SEMA4A: variants seen among roughly 807,000 people sequenced by gnomAD.
SEMA4A encodes the protein semaphorin-4A.
SEMA4A carries 52 observed loss-of-function variants against 72.5 expected under a neutral mutation model. The observed-to-expected ratio is 0.72, with a 90% CI of 0.57 to 0.90. The LOEUF is 0.90. SEMA4A is among the 40% of genes least tolerant of loss of function. The pLI is 0.00. For missense variants in SEMA4A, 926 were observed against 959.7 expected (o/e 0.96, Z 0.46); for synonymous variants, 369 against 393.1 (o/e 0.94, Z 0.73).
In SEMA4A at chr1:156,154,658, C is replaced by G. The variant is rs758898526; in HGVS notation, c.80C>G (p.Pro27Arg). ...TTCCAACTGCTTCAGCTGCTGCTGC[C>G]GACGACGACCGCGGGGGGAGGCGGG... ...FLFQLLQLLL[P>R]TTTAGGGGQG... Residue 27 changes from proline (P) to arginine (R), a missense_variant, in exon 2 of 15, where the codon CCG becomes CGG. Coordinates refer to ENST00000368285, the MANE Select transcript of SEMA4A (RefSeq NM_022367.4). 5 of 1,604,972 alleles carry G rather than the reference C, an allele frequency of 3.1e-6. No individual in the cohort carries two copies. The highest frequency in any genetic ancestry group is 2.2e-5 in the East Asian group (1 of 44,652).
Position 156,161,032 on chromosome 1 carries a change from C to T in SEMA4A, c.810+3C>T. On this transcript the variant is annotated splice_donor_region_variant and intron_variant, in intron 8 of 14. Transcript: ENST00000368285. Reference sequence around the variant, plus strand: ...CGCGGGTGGCTAGAGTCTGCAAGGTCCGCGGCCTGGGCGGGGGGCGGGGCT... The same window carrying T: ...CGCGGGTGGCTAGAGTCTGCAAGGTTCGCGGCCTGGGCGGGGGGCGGGGCT... The T allele has an allele frequency of 6.2e-7, 1 of 1,608,258 alleles. No individual in the cohort carries two copies.
upstream of SEMA4A, among the ~76,000 whole-genome samples, chr1:156,150,861 T>C (rs1652481791): frequency 6.6e-6 from 1 of 152,032 alleles, no homozygotes; most frequent in Non-Finnish European, 1.5e-5. Context: ...GCACTCAGTG[T>C]TGTTGTCATG....
chr1:156,158,008 T>A, intron 3 of SEMA4A, 62 bp from the exon 4 acceptor site: 1 of 1,554,350 alleles, frequency 6.4e-7, no homozygotes, highest in African/African-American at 1.4e-5. Flanking sequence ...GGGAGGCAGG[T>A]CACAGCTAGA....
At chr1:156,165,529 C>A (rs74116501) in intron 10 of SEMA4A, among the ~76,000 whole-genome samples, 1 of 152,102 alleles carries the variant, frequency 6.6e-6, no homozygotes, top group African/African-American at 2.4e-5. Flanking sequence ...AATAGAAATA[C>A]GTTTCCTTCA....
intron 9 of SEMA4A, 24 bp from the exon 10 acceptor site, chr1:156,162,920 A>G: frequency 6.2e-7 from 1 of 1,612,830 alleles, no homozygotes; most frequent in East Asian, 2.2e-5. Flanking sequence ...GACCACAGAC[A>G]ATGTTCCCTC....
At chr1:156,154,421 C>G in intron 1 of SEMA4A, 129 bp from the exon 2 acceptor site, 1 of 806,798 alleles carries the variant, frequency 1.2e-6, no homozygotes, top group Non-Finnish European at 2.0e-6. Context: ...AGGGAACCTT[C>G]TCTGCCCCAA....
chr1:156,150,636 C>T (rs1228891725), upstream of SEMA4A, among the ~76,000 whole-genome samples: 1 of 152,028 alleles, frequency 6.6e-6, no homozygotes, highest in Non-Finnish European at 1.5e-5. Flanking sequence ...GTGCAGCATC[C>T]GTGTTCTGCA....
chr1:156,176,357 A>G (rs761982852), intron 14 of SEMA4A, 48 bp from the exon 15 acceptor site: 1 of 1,393,964 alleles, frequency 7.2e-7, no homozygotes, highest in Non-Finnish European at 1.0e-6. Flanking sequence ...TCCTGTCTCC[A>G]TCCTTCACTT....
intron 6 of SEMA4A, chr1:156,159,099 T>C (rs1653336025): frequency 2.2e-6 from 1 of 453,818 alleles, no homozygotes; most frequent in Non-Finnish European, 4.0e-6. Flanking sequence ...TTTGGGAGGC[T>C]GAGGTGGGTG....
chr1:156,177,312 A>C lies in SEMA4A; in HGVS notation c.*315A>C. 2.2e-6 allele frequency: 1 copy of C among 461,420 alleles called. No homozygotes were observed. The highest frequency in any genetic ancestry group is 4.0e-6 in the Non-Finnish European group (1 of 249,330). 28.6% of individuals were successfully genotyped at this position (461,420 alleles called of 1,614,324 possible). A position where few individuals can be genotyped will look rare whatever the true frequency, so the allele number is the denominator to read the frequency against. ...CTGGCCATTCCAGGGACCCTCCAGA[A>C]ACACAGTGTTTCAAGAGACCCTAAA... On this transcript the variant is annotated 3_prime_UTR_variant, in exon 15 of 15. Transcript: ENST00000368285.
Position 156,176,982 on chromosome 1 carries a change from C to T in SEMA4A, c.2271C>T (p.Gly757=). 3.1e-6 allele frequency: 5 copies of T among 1,610,356 alleles called. No homozygotes were observed. Among genetic ancestry groups the T allele is most frequent in the Non-Finnish European group, 3.4e-6 (4 of 1,179,990 alleles). The change falls in exon 15 of 15, where the codon GGC becomes GGT. Residue 757 remains glycine (G), a synonymous_variant. Coordinates refer to ENST00000368285, the MANE Select transcript of SEMA4A (RefSeq NM_022367.4). ...SDVDADNNCL[G]TEVA is the part of the protein sequence containing the mutation. ...TGGACGCTGACAACAACTGCCTAGG[C>T]ACTGAGGTAGCTTAAACTCTAGGCA...
chr1:156,158,399 C>A lies in SEMA4A; in HGVS notation c.375C>A (p.Phe125Leu), dbSNP rs917446880. ...TCTGTCTCCCTCAGACACAGTGTTT[C>A]AACTTCATCCGTGTCCTGGTTTCTT... ...FKKKSNETQCFNFIRVLVSYN... is the reference protein window; with the variant it reads ...FKKKSNETQCLNFIRVLVSYN... The change falls in exon 5 of 15, where the codon TTC becomes TTA. Residue 125 changes from phenylalanine (F) to leucine (L), a missense_variant. Coordinates refer to ENST00000368285, the MANE Select transcript of SEMA4A (RefSeq NM_022367.4). 6.2e-7 allele frequency: 1 copy of A among 1,613,572 alleles called. No individual in the cohort carries two copies.
rs1653655161 is a variant in SEMA4A, at chr1:156,161,489, C to T, written c.954C>T (p.Pro318=). The stretch of plus-strand genomic sequence containing the variant: ...TCCCCGCCGATTCTCCCACAGCTCC[C>T]CACATCTACGCAGTCTTCACCTCCC... ...VLLPADSPTA[P]HIYAVFTSQW... The change falls in exon 9 of 15, where the codon CCC becomes CCT. Residue 318 remains proline (P), a synonymous_variant. Transcript: ENST00000368285. 2 of 1,614,024 alleles carry T rather than the reference C, an allele frequency of 1.2e-6. No homozygotes were observed. The highest frequency in any genetic ancestry group is 8.5e-7 in the Non-Finnish European group (1 of 1,179,994).
intron 14 of SEMA4A, 79 bp downstream of exon 14, chr1:156,175,735 A>G (rs982945440): frequency 1.5e-4 from 149 of 1,012,574 alleles, no homozygotes; most frequent in Admixed American, 5.6e-4. Flanking sequence ...TCCTGCTCCA[A>G]TTTCCTCCCC....
rs542060869 is a variant in SEMA4A at position 156,157,673 on chromosome 1, C to T, written c.301-397C>T. Among the ~76,000 whole-genome samples, 8 of 152,356 alleles carry T rather than the reference C, an allele frequency of 5.3e-5. No homozygotes were observed. The highest frequency in any genetic ancestry group is 1.4e-4 in the African/African-American group (6 of 41,586). On this transcript the variant is annotated intron_variant, in intron 3 of 14. Coordinates refer to ENST00000368285, the MANE Select transcript of SEMA4A (RefSeq NM_022367.4). This position sits in a 1 kb window ranked among gnomAD's most constrained non-coding sequence, Gnocchi z 4.5. The stretch of plus-strand genomic sequence containing the variant: ...CTCTAAGGCGTGACCCAGGAACCAA[C>T]TTGTTAAACAATTTCCCCAGGAAAT...
upstream of SEMA4A, among the ~76,000 whole-genome samples, chr1:156,152,545 A>G (rs541711056): frequency 3.9e-5 from 6 of 152,318 alleles, no homozygotes; most frequent in East Asian, 1.2e-3. Flanking sequence ...GGGACCTGGC[A>G]ACCAGCCTCT....
upstream of SEMA4A, among the ~76,000 whole-genome samples, chr1:156,152,560 G>C (rs1000640225): frequency 2.0e-5 from 3 of 152,178 alleles, no homozygotes; most frequent in African/African-American, 7.2e-5. Context: ...GCCTCTGGGA[G>C]AGTCTGGGGG....
In SEMA4A at chr1:156,160,903, A is replaced by G; in HGVS notation, c.686-2A>G. The G allele has an allele frequency of 6.2e-7, 1 of 1,613,518 alleles. No individual in the cohort carries two copies. The highest frequency in any genetic ancestry group is 8.5e-7 in the Non-Finnish European group (1 of 1,179,864). On this transcript the variant is annotated splice_acceptor_variant, in intron 7 of 14. Transcript: ENST00000368285. LOFTEE classifies it high-confidence loss of function. ...CTAAGCCCATCTGCCCCTCCCCCGC[A>G]GATGACGCCTCCTTTGTGGCAGCCA... is the stretch of plus-strand genomic sequence containing the variant.
At chr1:156,166,986 G>A (rs1654227432) in intron 10 of SEMA4A, among the ~76,000 whole-genome samples, 1 of 151,362 alleles carries the variant, frequency 6.6e-6, no homozygotes, top group South Asian at 2.1e-4. Flanking sequence ...AAACAGTCTC[G>A]ACCTCCTGGG....
Sources: allele counts gnomAD v4.1 joint callset (sites outside exome capture counted in the v4.1 genomes callset), GRCh38; gene constraint gnomAD v4.1.1; non-coding constraint Gnocchi (gnomAD v3.1); transcripts MANE v1.5; gene names NCBI Gene and HGNC (gene_info 2026-07-23, HGNC 2026-07-21).